The following TMEM163 variants were observed in gnomAD, a reference collection of about 807,000 sequenced individuals.
TMEM163 encodes transmembrane protein 163.
In TMEM163, 17 loss-of-function variants were observed where a neutral mutation model predicts 29.3. The ratio of observed to expected loss-of-function variants is 0.58; its 90% confidence interval spans 0.40 to 0.87. TMEM163 has a LOEUF of 0.87. TMEM163 is among the 40% of genes least tolerant of loss of function. The probability of loss-of-function intolerance (pLI) is 0.00; values close to 1 mark genes in which losing one functional copy is unlikely to be tolerated. For missense variants in TMEM163, 303 were observed against 381.5 expected, an observed-to-expected ratio of 0.79 and a Z score of 1.71; for synonymous variants, 157 against 160.6, an observed-to-expected ratio of 0.98 and a Z score of 0.17.
intron 2 of TMEM163, among the ~76,000 whole-genome samples, chr2:134,642,288 C>T (rs899656510): frequency 6.6e-6 from 1 of 151,896 alleles, no homozygotes; most frequent in Admixed American, 6.6e-5. Context: ...ACCATCATGC[C>T]CAGCAAATTT....
intron 5 of TMEM163, among the ~76,000 whole-genome samples, chr2:134,486,364 T>A (rs952657341): frequency 9.9e-5 from 15 of 152,072 alleles, no homozygotes; most frequent in Admixed American, 9.8e-4. Flanking sequence ...AATCAACAGG[T>A]CTGATCCACA....
chr2:134,713,233 T>A lies in TMEM163; in HGVS notation c.289A>T (p.Ile97Phe), dbSNP rs764077954. ...KALWVSWFSI[I>F]VTLALAVAAF... ...GCCACCGCGAGGGCCAGGGTGACAA[T>A]GATGGAGAACCAGGACACCCACAAT... Residue 97 changes from isoleucine (I) to phenylalanine (F), a missense_variant, in exon 2 of 8, where the codon ATT becomes TTT. Coordinates refer to ENST00000281924, the MANE Select transcript of TMEM163 (RefSeq NM_030923.5). 3.1e-6 allele frequency: 5 copies of A among 1,613,920 alleles called. No individual in the cohort carries two copies. The African/African-American group carries it at 6.7e-5, about 22-fold the overall frequency.
chr2:134,593,796 A>C (rs1191068823), intron 2 of TMEM163, among the ~76,000 whole-genome samples: 2 of 149,538 alleles, frequency 1.3e-5, no homozygotes. Flanking sequence ...AGACTACGAC[A>C]CTGACTCTGG....
At chr2:134,539,004 G>T (rs116395030) in intron 4 of TMEM163, among the ~76,000 whole-genome samples, 154 of 152,262 alleles carry the variant, frequency 1.0e-3, no homozygotes, top group African/African-American at 3.5e-3. Flanking sequence ...TTTTAATAAA[G>T]CTACTTTATA....
chr2:134,593,634 G>C lies in TMEM163; in HGVS notation c.323-41543C>G, dbSNP rs138382551. Among the ~76,000 whole-genome samples the C allele has an allele frequency of 1.8e-3, 276 of 152,114 alleles. 1 individual carries two copies. The highest frequency in any genetic ancestry group is 5.9e-3 in the African/African-American group (244 of 41,478). On this transcript the variant is annotated intron_variant, in intron 2 of 7. Transcript: ENST00000281924. ...AATGTCCAGCCTAGGTAGGGAGTTG[G>C]GGCAGAGGAGAGGAGGGGTGGAAGG... is the stretch of plus-strand genomic sequence containing the variant.
At chr2:134,645,870 A>C (rs1457577727) in intron 2 of TMEM163, among the ~76,000 whole-genome samples, 1 of 152,230 alleles carries the variant, frequency 6.6e-6, no homozygotes, top group African/African-American at 2.4e-5. Context: ...TATTCTGATT[A>C]TGGTGGTAGT....
At position 134,549,529 on chromosome 2, in the gene TMEM163, A is replaced by C. The variant is rs146142317; in HGVS notation, c.458+1041T>G. 6.3e-3 allele frequency among the ~76,000 whole-genome samples: 960 copies of C among 152,222 alleles called. 11 individuals are homozygous for C. Among genetic ancestry groups the C allele is most frequent in the African/African-American group, 0.022 (911 of 41,534 alleles). On this transcript the variant is annotated intron_variant, in intron 4 of 7. Coordinates refer to ENST00000281924, the MANE Select transcript of TMEM163 (RefSeq NM_030923.5). ...ACGCAGCTAATTTTTGTTTTTGTAGAGATGGGGTTTCACCATGTTGGCCAG... is the reference window on the plus strand; with the variant it reads ...ACGCAGCTAATTTTTGTTTTTGTAGCGATGGGGTTTCACCATGTTGGCCAG...
At chr2:134,599,572 C>G (rs1682176518) in intron 2 of TMEM163, among the ~76,000 whole-genome samples, 1 of 152,024 alleles carries the variant, frequency 6.6e-6, no homozygotes, top group Admixed American at 6.6e-5. Context: ...CTATGAGAAA[C>G]AAAGTTCTGT....
At chr2:134,685,069 A>C (rs1558991257) in intron 2 of TMEM163, among the ~76,000 whole-genome samples, 1 of 152,178 alleles carries the variant, frequency 6.6e-6, no homozygotes, top group African/African-American at 2.4e-5. Context: ...ACTAAGATTA[A>C]AAAGGAACTA....
chr2:134,490,470 C>G (rs1679405433), intron 5 of TMEM163, among the ~76,000 whole-genome samples: 1 of 152,176 alleles, frequency 6.6e-6, no homozygotes, highest in Non-Finnish European at 1.5e-5. Flanking sequence ...CTTCCATGTT[C>G]TGACTCTCCC....
At chr2:134,674,098 A>G (rs1016698448) in intron 2 of TMEM163, among the ~76,000 whole-genome samples, 1 of 152,156 alleles carries the variant, frequency 6.6e-6, no homozygotes, top group Non-Finnish European at 1.5e-5. Context: ...AAAAGTGGCT[A>G]TTGGTCTATT....
At chr2:134,558,239 C>CA (rs1681091245) in intron 2 of TMEM163, among the ~76,000 whole-genome samples, 2 of 152,138 alleles carry the variant, frequency 1.3e-5, no homozygotes, top group Non-Finnish European at 1.5e-5. Flanking sequence ...CATGGAAGTA[C>CA]AGTGGTGGAC....
At chr2:134,493,497 C>G (rs919325449) in intron 5 of TMEM163, among the ~76,000 whole-genome samples, 11 of 151,006 alleles carry the variant, frequency 7.3e-5, no homozygotes, top group African/African-American at 2.7e-4. Flanking sequence ...CCTCAGCCTC[C>G]CAAGTAGCTG....
intron 2 of TMEM163, among the ~76,000 whole-genome samples, chr2:134,705,977 G>T (rs529973976): frequency 6.6e-6 from 1 of 152,312 alleles, no homozygotes; most frequent in African/African-American, 2.4e-5. Flanking sequence ...GGGACACCGG[G>T]TGCTAATGCA....
chr2:134,712,337 A>C (rs1272999229), intron 2 of TMEM163, among the ~76,000 whole-genome samples: 1 of 152,198 alleles, frequency 6.6e-6, no homozygotes, highest in Non-Finnish European at 1.5e-5. Context: ...TCTAGCAGAC[A>C]TGTGCTTTTT....
intron 2 of TMEM163, among the ~76,000 whole-genome samples, chr2:134,657,775 C>G (rs1025562353): frequency 1.3e-5 from 2 of 151,900 alleles, no homozygotes; most frequent in African/African-American, 4.8e-5. Context: ...TGCACTCCAG[C>G]CTAGGCAACA....
At chr2:134,467,377 A>G (rs1470375357) in intron 5 of TMEM163, 1 of 152,280 alleles carries the variant, frequency 6.6e-6, no homozygotes, top group Non-Finnish European at 1.5e-5. Flanking sequence ...GGAGAAACCA[A>G]GCAGACACCA....
intron 2 of TMEM163, among the ~76,000 whole-genome samples, chr2:134,591,453 A>G (rs1033842242): frequency 1.3e-5 from 2 of 152,130 alleles, no homozygotes; most frequent in African/African-American, 4.8e-5. Flanking sequence ...CCAGGTCTTT[A>G]TGACCTGTAT....
At chr2:134,498,381 G>A (rs568466636) in intron 5 of TMEM163, among the ~76,000 whole-genome samples, 18 of 135,168 alleles carry the variant, frequency 1.3e-4, no homozygotes, top group Middle Eastern at 4.3e-3. Context: ...TTTTTGAGAC[G>A]GAGTCTTGCA....
Sources: gnomAD v4.1 joint callset for allele counts (sites outside exome capture counted in the v4.1 genomes callset) on GRCh38, gnomAD v4.1.1 for gene constraint, MANE v1.5 for transcripts, NCBI Gene and HGNC (gene_info 2026-07-23, HGNC 2026-07-21) for gene names.